Variants in PDZD2 observed in about 807,000 individuals in gnomAD.
The protein encoded by PDZD2 is PDZ domain containing 2.
In PDZD2, 90 loss-of-function variants were observed where a neutral mutation model predicts 220.7. The ratio of observed to expected loss-of-function variants is 0.41; its 90% CI spans 0.34 to 0.49. PDZD2 has a LOEUF of 0.49. Among genes scored for constraint, PDZD2 ranks in the 20% least tolerant of loss-of-function variants. The probability of loss-of-function intolerance (pLI) is 0.28; values close to 1 mark genes in which losing one functional copy is unlikely to be tolerated. For synonymous variants in PDZD2, 1,375 were observed against 1,450.5 expected (o/e 0.95, Z 1.18); for missense variants, 3,174 against 3,608.5 (o/e 0.88, Z 3.08).
Position 32,090,551 on chromosome 5 carries a change from C to A in PDZD2, c.7103C>A (p.Pro2368His). 1 of 1,613,784 alleles carries A rather than the reference C, an allele frequency of 6.2e-7. No individual in the cohort carries two copies. The highest frequency in any genetic ancestry group is 8.5e-7 in the Non-Finnish European group (1 of 1,179,912). ...SPFLSVSSKPPIGRRSSGSIV... is the reference protein window; with the variant it reads ...SPFLSVSSKPHIGRRSSGSIV... ...TTTTTGTCGGTGAGCTCCAAGCCTC[C>A]CATTGGGAGGCGGTCTTCCGGCAGC... The change falls in exon 20 of 25, where the codon CCC (proline) becomes CAC (histidine). Residue 2368 changes from proline to histidine, a missense_variant. By Grantham distance (77) the Pro-to-His change is moderately conservative (BLOSUM62 -2). This residue lies in a region of PDZD2 where 631 missense variants were observed against 789.9 expected (regional missense o/e 0.80). Coordinates refer to ENST00000438447, the MANE Select transcript of PDZD2 (RefSeq NM_178140.4). This position sits in a 1 kb window ranked among gnomAD's most constrained non-coding sequence, Gnocchi z 4.3.
chr5:32,029,129 G>A (rs1027723991), intron 6 of PDZD2, among the ~76,000 whole-genome samples: 6 of 151,982 alleles, frequency 3.9e-5, no homozygotes, highest in African/African-American at 7.3e-5. Context: ...TCATTCAACA[G>A]CAAGTCTCTC....
chr5:32,066,777 C>T (rs1740249163), intron 14 of PDZD2, among the ~76,000 whole-genome samples: 1 of 152,228 alleles, frequency 6.6e-6, no homozygotes, highest in Admixed American at 6.5e-5. Context: ...AAAACTCCTG[C>T]CTATTTTGCC....
chr5:31,904,545 T>G (rs1165663634), intron 2 of PDZD2, among the ~76,000 whole-genome samples: 1 of 152,234 alleles, frequency 6.6e-6, no homozygotes, highest in Non-Finnish European at 1.5e-5. Context: ...TTTATTTTTT[T>G]GAGACAGAGT....
chr5:31,697,966 G>A (rs555494699), intron 1 of PDZD2, among the ~76,000 whole-genome samples: 6 of 151,558 alleles, frequency 4.0e-5, no homozygotes, highest in East Asian at 2.0e-4. Context: ...GCAGTGGCGC[G>A]ATCTTGGCTC....
chr5:31,746,346 A>G (rs7730606), intron 1 of PDZD2, among the ~76,000 whole-genome samples: 116,005 of 152,038 alleles, frequency 0.76, 44,746 homozygotes, highest in East Asian at 0.95. Flanking sequence ...TGTCTGAATT[A>G]TTTTGAGAAG....
At position 31,845,528 on chromosome 5, in the gene PDZD2, A is replaced by G. The variant is rs114711938; in HGVS notation, c.476+45804A>G. On this transcript the variant is annotated intron_variant, in intron 2 of 24. Transcript: ENST00000438447. ...GAGAGCTAACAGTGGGAGGGAAGTC[A>G]GGGAACGTGTCCTGCACAGATTAGA... 3.4e-3 allele frequency among the ~76,000 whole-genome samples: 523 copies of G among 152,354 alleles called. 2 individuals are homozygous for G. Among genetic ancestry groups the G allele is most frequent in the African/African-American group, 0.012 (503 of 41,586 alleles).
At position 31,861,981 on chromosome 5, in the gene PDZD2, TTCA is replaced by T. The variant is rs201533463; in HGVS notation, c.476+62262_476+62264del. The stretch of plus-strand genomic sequence containing the variant: ...TAAATGTATGCCTTATACTATATAG[TTCA>T]TCATTATATCCTGAACACCCTACAC... On this transcript the variant is annotated intron_variant, in intron 2 of 24. Transcript: ENST00000438447. Among the ~76,000 whole-genome samples, 476 of 152,238 alleles carry T rather than the reference TTCA, an allele frequency of 3.1e-3. 3 individuals carry two copies. The highest frequency in any genetic ancestry group is 0.026 in the Admixed American group (399 of 15,284).
In PDZD2 at chr5:31,849,955, TATATATACAC is replaced by T. The variant is rs1757874992; in HGVS notation, c.476+50239_476+50248del. ...ATACACATATATATATATACATATA[TATATATACAC>T]ATATATATATATACATATATATATA... On this transcript the variant is annotated intron_variant, in intron 2 of 24. Transcript: ENST00000438447. Among the ~76,000 whole-genome samples, 11 of 22,372 alleles carry T rather than the reference TATATATACAC, an allele frequency of 4.9e-4. 2 individuals are homozygous for T. Among genetic ancestry groups the T allele is most frequent in the African/African-American group, 3.2e-3 (11 of 3,402 alleles). The allele number at this position is 22,372 out of a possible 152,430, so 14.7% of individuals were successfully genotyped here.
intron 2 of PDZD2, among the ~76,000 whole-genome samples, chr5:31,895,123 C>T (rs1330858789): frequency 3.9e-5 from 6 of 152,196 alleles, no homozygotes; most frequent in Non-Finnish European, 5.9e-5. Context: ...CTCCTAACCT[C>T]GTGATCTGCC....
intron 2 of PDZD2, among the ~76,000 whole-genome samples, chr5:31,891,772 C>T (rs2150348561): frequency 6.6e-6 from 1 of 152,312 alleles, no homozygotes; most frequent in Non-Finnish European, 1.5e-5. Flanking sequence ...TAGCCATTGC[C>T]AGCCTCACCC....
At chr5:31,935,194 T>C (rs937130279) in intron 2 of PDZD2, among the ~76,000 whole-genome samples, 3 of 152,318 alleles carry the variant, frequency 2.0e-5, no homozygotes, top group South Asian at 2.1e-4. Context: ...CTTGTGAGTA[T>C]TGGAATAATA....
At position 32,087,955 on chromosome 5, in the gene PDZD2, G is replaced by GT; in HGVS notation, c.4511dup (p.Leu1504PhefsTer5). 6.2e-7 allele frequency: 1 copy of GT among 1,614,146 alleles called. No individual in the cohort carries two copies. Among genetic ancestry groups the GT allele is most frequent in the Non-Finnish European group, 8.5e-7 (1 of 1,180,024 alleles). On this transcript the variant is annotated frameshift_variant, in exon 20 of 25. Coordinates refer to ENST00000438447, the MANE Select transcript of PDZD2 (RefSeq NM_178140.4). LOFTEE classifies it high-confidence loss of function. This position sits in a 1 kb window ranked among gnomAD's most constrained non-coding sequence, Gnocchi z 4.0. ...CCCACAATGGGCCTCCCAGCCTTCG[G>GT]TTTTAGATTCAATTAATCCCGACAA...
At chr5:32,044,546 T>G (rs1029684965) in intron 7 of PDZD2, among the ~76,000 whole-genome samples, 6 of 152,042 alleles carry the variant, frequency 3.9e-5, no homozygotes, top group African/African-American at 1.4e-4. Flanking sequence ...ACAAAATGAA[T>G]GAGAGATGCT....
At chr5:31,969,794 G>C (rs1749131839) in intron 2 of PDZD2, among the ~76,000 whole-genome samples, 1 of 152,072 alleles carries the variant, frequency 6.6e-6, no homozygotes. Context: ...CTTTTAAAGA[G>C]TCTCTTTTTT....
chr5:32,104,470 C>T (rs757500299), intron 24 of PDZD2, among the ~76,000 whole-genome samples: 4 of 151,492 alleles, frequency 2.6e-5, no homozygotes, highest in Non-Finnish European at 5.9e-5. Context: ...AATCTGGTGT[C>T]TCAGCCTCCT....
At chr5:31,666,008 A>G (rs1187846047) in intron 1 of PDZD2, among the ~76,000 whole-genome samples, 1 of 152,200 alleles carries the variant, frequency 6.6e-6, no homozygotes, top group Non-Finnish European at 1.5e-5. Context: ...AGCCCTTTGG[A>G]GGTGGAGAGG....
At chr5:32,021,014 AC>A (rs1292592363) in intron 6 of PDZD2, among the ~76,000 whole-genome samples, 1 of 151,324 alleles carries the variant, frequency 6.6e-6, no homozygotes, top group Non-Finnish European at 1.5e-5. Flanking sequence ...GGGGAAAAAA[AC>A]CCCACCTTAC....
chr5:32,003,329 C>CACACA (rs1752483816), intron 5 of PDZD2, among the ~76,000 whole-genome samples: 1 of 24,618 alleles, frequency 4.1e-5, no homozygotes, highest in African/African-American at 1.5e-4. Flanking sequence ...ACACACACAC[C>CACACA]CCCACCACAC....
At chr5:31,647,703 G>A (rs1461207930) in intron 1 of PDZD2, among the ~76,000 whole-genome samples, 1 of 152,204 alleles carries the variant, frequency 6.6e-6, no homozygotes, top group Non-Finnish European at 1.5e-5. Context: ...TCCAACTTGA[G>A]ATTTTTAATT....
Sources: allele counts gnomAD v4.1 joint callset (sites outside exome capture counted in the v4.1 genomes callset), GRCh38; gene constraint gnomAD v4.1.1; regional missense constraint gnomAD v4.1.1; non-coding constraint Gnocchi (gnomAD v3.1); transcripts MANE v1.5; gene names NCBI Gene and HGNC (gene_info 2026-07-23, HGNC 2026-07-21).